Variants in RIMS1 observed in about 807,000 individuals in gnomAD.
RIMS1 encodes the protein regulating synaptic membrane exocytosis protein 1.
RIMS1 carries 83 observed loss-of-function variants against 214.1 expected under a neutral mutation model. The observed-to-expected ratio is 0.39, with a 90% CI of 0.32 to 0.47. The LOEUF (loss-of-function observed/expected upper bound fraction) is 0.47. Among genes scored for constraint, RIMS1 ranks in the 20% least tolerant of loss-of-function variants. The pLI is 0.99. For missense variants in RIMS1, 2,050 were observed against 2,161.8 expected (o/e 0.95, Z 1.03); for synonymous variants, 793 against 786.8 (o/e 1.01, Z -0.13).
intron 2 of RIMS1, among the ~76,000 whole-genome samples, chr6:72,068,924 A>T (rs1170052849): frequency 6.9e-6 from 1 of 144,230 alleles, no homozygotes. Context: ...AAAAAAAAAA[A>T]TTTATGAGGT....
chr6:71,907,278 A>G (rs1203170042), intron 1 of RIMS1, among the ~76,000 whole-genome samples: 1 of 152,158 alleles, frequency 6.6e-6, no homozygotes, highest in African/African-American at 2.4e-5. Context: ...TATATACATT[A>G]TTCATATGGT....
intron 31 of RIMS1, among the ~76,000 whole-genome samples, chr6:72,397,805 A>G (rs28676557): frequency 4.0e-4 from 61 of 150,902 alleles, no homozygotes; most frequent in African/African-American, 1.4e-3. Flanking sequence ...TAGATAGATA[A>G]ATAGATAGAT....
At chr6:72,168,984 T>C (rs2046661628) in intron 4 of RIMS1, among the ~76,000 whole-genome samples, 1 of 152,134 alleles carries the variant, frequency 6.6e-6, no homozygotes, top group Non-Finnish European at 1.5e-5. Flanking sequence ...CAAGAAGTAC[T>C]GGACAAGAAA....
At chr6:72,196,661 G>A (rs2051031234) in intron 6 of RIMS1, among the ~76,000 whole-genome samples, 1 of 136,240 alleles carries the variant, frequency 7.3e-6, no homozygotes, top group Non-Finnish European at 1.5e-5. Flanking sequence ...TCAAATCTCA[G>A]CATTTGTTTT....
In RIMS1 at chr6:72,400,723, T is replaced by C. The variant is rs1249208286; in HGVS notation, c.*9T>C. 6.3e-7 allele frequency: 1 copy of C among 1,580,032 alleles called. No individual in the cohort carries two copies. On this transcript the variant is annotated 3_prime_UTR_variant, in exon 34 of 34. Coordinates refer to ENST00000521978, the MANE Select transcript of RIMS1 (RefSeq NM_014989.7). ...CCTGTATTCGATCATAGTGAACTCA[T>C]ACCAGAGTCATTCCAATAAAACTCT...
At chr6:72,306,295 T>C (rs2095158390) in intron 26 of RIMS1, among the ~76,000 whole-genome samples, 1 of 151,862 alleles carries the variant, frequency 6.6e-6, no homozygotes, top group Non-Finnish European at 1.5e-5. Flanking sequence ...AAAATCTGAA[T>C]ACTTGTTGCA....
At chr6:72,189,499 A>G (rs1211778868) in intron 6 of RIMS1, among the ~76,000 whole-genome samples, 1 of 152,244 alleles carries the variant, frequency 6.6e-6, no homozygotes, top group African/African-American at 2.4e-5. Context: ...CAGGATAGGC[A>G]AACCCATATC....
chr6:72,347,538 T>C (rs1348352665), intron 29 of RIMS1, among the ~76,000 whole-genome samples: 1 of 151,786 alleles, frequency 6.6e-6, no homozygotes, highest in Non-Finnish European at 1.5e-5. Context: ...ATTGTGCACA[T>C]GTGAAACCAA....
chr6:72,166,916 T>C (rs2046348160), intron 4 of RIMS1, among the ~76,000 whole-genome samples: 1 of 152,100 alleles, frequency 6.6e-6, no homozygotes, highest in African/African-American at 2.4e-5. Flanking sequence ...TAATCTTTAT[T>C]TATTTTTATT....
chr6:72,183,059 G>T lies in RIMS1; in HGVS notation c.1588G>T (p.Val530Leu). The change falls in exon 6 of 34, where the codon GTG (valine) becomes TTG (leucine). Residue 530 changes from valine to leucine, a missense_variant. Around this residue, in one of 6 missense-constraint regions of RIMS1, gnomAD observed 882 missense variants for 828.9 expected, o/e 1.06. Transcript: ENST00000521978. ...AGGCGGCAAGAAGCGGCAGATGTCG[G>T]TGAGCAGCTCTGAGGAGGAGGGCGT... is the stretch of plus-strand genomic sequence containing the variant. ...KRGGKKRQMS[V>L]SSSEEEGVST... 6.3e-7 allele frequency: 1 copy of T among 1,596,564 alleles called. No homozygotes were observed. The highest frequency in any genetic ancestry group is 8.5e-7 in the Non-Finnish European group (1 of 1,172,520).
chr6:72,360,604 CAA>C (rs1401315208), intron 29 of RIMS1, among the ~76,000 whole-genome samples: 8 of 151,366 alleles, frequency 5.3e-5, no homozygotes, highest in Admixed American at 1.3e-4. Flanking sequence ...TCTAGATTTG[CAA>C]AGAGTCTTAA....
At chr6:72,044,548 G>A (rs931025278) in intron 2 of RIMS1, among the ~76,000 whole-genome samples, 7 of 151,564 alleles carry the variant, frequency 4.6e-5, no homozygotes, top group Non-Finnish European at 8.9e-5. Context: ...CCTGATAATG[G>A]GCAAAATATT....
At chr6:72,014,829 C>T (rs922711655) in intron 2 of RIMS1, among the ~76,000 whole-genome samples, 1 of 152,154 alleles carries the variant, frequency 6.6e-6, no homozygotes, top group African/African-American at 2.4e-5. Flanking sequence ...ATTTGCAAAT[C>T]GCTAATGAAT....
At chr6:72,012,389 T>G (rs561477106) in intron 2 of RIMS1, among the ~76,000 whole-genome samples, 44 of 151,976 alleles carry the variant, frequency 2.9e-4, no homozygotes, top group Non-Finnish European at 4.9e-4. Context: ...AAATGACGAG[T>G]TAATGGGTGC....
chr6:72,290,408 C>T (rs1053755339), intron 24 of RIMS1, among the ~76,000 whole-genome samples: 1 of 151,880 alleles, frequency 6.6e-6, no homozygotes, highest in Non-Finnish European at 1.5e-5. Flanking sequence ...ACAAAACAAA[C>T]AGACAGGAGT....
chr6:71,992,404 C>CTCTCTTTCTTTCTT (rs1252103778), intron 2 of RIMS1, among the ~76,000 whole-genome samples: 16 of 110,080 alleles, frequency 1.5e-4, no homozygotes, highest in Non-Finnish European at 2.4e-4. Flanking sequence ...TTCTCTCTCT[C>CTCTCTTTCTTTCTT]TCTTTCTTTC....
At chr6:71,938,686 C>T (rs951995990) in intron 1 of RIMS1, among the ~76,000 whole-genome samples, 2 of 152,100 alleles carry the variant, frequency 1.3e-5, no homozygotes, top group African/African-American at 2.4e-5. Context: ...GGGCCCACCC[C>T]CTGAAACATT....
chr6:72,033,697 G>A (rs1389574787), intron 2 of RIMS1, among the ~76,000 whole-genome samples: 2 of 151,826 alleles, frequency 1.3e-5, no homozygotes, highest in Non-Finnish European at 2.9e-5. Context: ...GGCCAGACTG[G>A]TTTCGAACTC....
At chr6:72,216,551 G>A (rs769522907) in intron 6 of RIMS1, 3 of 985,378 alleles carry the variant, frequency 3.0e-6, no homozygotes, top group Non-Finnish European at 3.6e-6. Context: ...AGATTCCTCA[G>A]TTAGGGAAAC....
Sources: gnomAD v4.1 joint callset for allele counts (sites outside exome capture counted in the v4.1 genomes callset) on GRCh38, gnomAD v4.1.1 for gene constraint, gnomAD v4.1.1 regional missense constraint, MANE v1.5 for transcripts, NCBI Gene and HGNC (gene_info 2026-07-23, HGNC 2026-07-21) for gene names.